Variants in NMT1 observed in about 807,000 individuals in gnomAD.
The protein encoded by NMT1 is glycylpeptide N-tetradecanoyltransferase 1.
Under a neutral mutation model 63.4 loss-of-function variants are expected in NMT1, and 12 were observed. The ratio of observed to expected loss-of-function variants is 0.19; its 90% CI spans 0.12 to 0.31. NMT1 has a LOEUF of 0.31. Ranked by LOEUF, NMT1 falls within the 10% of genes least tolerant of loss-of-function variation. NMT1 has a pLI of 1.00. For missense variants in NMT1, 432 were observed against 634.6 expected (o/e 0.68, Z 3.43); for synonymous variants, 228 against 234.3 (o/e 0.97, Z 0.25).
At chr17:45,099,627 CG>C (rs2054148537) in intron 8 of NMT1, 114 bp downstream of exon 8, 4 of 719,412 alleles carry the variant, frequency 5.6e-6, no homozygotes, top group Middle Eastern at 2.8e-4. Flanking sequence ...ACTGGAAAAG[CG>C]AACCAGCCCA....
At position 45,086,656 on chromosome 17, in the gene NMT1, T is replaced by G; in HGVS notation, c.385+4T>G. ...ACGCAGCCCGTCCCCAAGCTGGGTA[T>G]GTACATGCTTGCTTTCTTTGCCAGG... On this transcript the variant is annotated splice_donor_region_variant and intron_variant, in intron 3 of 11. Coordinates refer to ENST00000258960, the MANE Select transcript of NMT1 (RefSeq NM_021079.5). The G allele has an allele frequency of 6.2e-7, 1 of 1,601,832 alleles. No individual in the cohort carries two copies. Among genetic ancestry groups the G allele is most frequent in the South Asian group, 1.1e-5 (1 of 89,172 alleles).
chr17:45,101,617 CAAAA>C (rs748973404), intron 8 of NMT1, among the ~76,000 whole-genome samples: 10 of 53,368 alleles, frequency 1.9e-4, no homozygotes, highest in African/African-American at 3.8e-4. Flanking sequence ...GACTCCGTCG[CAAAA>C]AAAAAAAAAA....
chr17:45,081,542 G>C, intron 1 of NMT1, 102 bp from the exon 2 acceptor site: 4 of 1,035,046 alleles, frequency 3.9e-6, no homozygotes, highest in Admixed American at 2.3e-5. Context: ...AAGCCAACAG[G>C]CTTGATTAAG....
At chr17:45,093,565 G>C (rs2054103058) in intron 3 of NMT1, 120 bp from the exon 4 acceptor site, 1 of 721,802 alleles carries the variant, frequency 1.4e-6, no homozygotes, top group South Asian at 1.8e-5. Context: ...AGCACAGAAT[G>C]TTCTTCAGAT....
Sources: gnomAD v4.1 joint callset for allele counts (sites outside exome capture counted in the v4.1 genomes callset) on GRCh38, gnomAD v4.1.1 for gene constraint, MANE v1.5 for transcripts, NCBI Gene and HGNC (gene_info 2026-07-23, HGNC 2026-07-21) for gene names.